SEMA6D: variants seen among roughly 807,000 people sequenced by gnomAD.
SEMA6D encodes the protein semaphorin-6D.
In SEMA6D, 35 loss-of-function variants were observed where a neutral mutation model predicts 106.6. The ratio of observed to expected loss-of-function variants is 0.33; its 90% CI spans 0.25 to 0.44. The LOEUF is 0.44. SEMA6D is among the 20% of genes least tolerant of loss of function. SEMA6D has a pLI of 1.00. For missense variants in SEMA6D, 1,185 were observed against 1,345.9 expected (o/e 0.88, Z 1.87); for synonymous variants, 499 against 487.7 (o/e 1.02, Z -0.31).
intron 3 of SEMA6D, among the ~76,000 whole-genome samples, chr15:47,547,809 C>G (rs1049509584): frequency 1.3e-5 from 2 of 152,130 alleles, no homozygotes; most frequent in Non-Finnish European, 2.9e-5. Context: ...CGTCTCCTAC[C>G]TACATGAAAG....
intron 1 of SEMA6D, among the ~76,000 whole-genome samples, chr15:47,330,895 A>G (rs142852121): frequency 7.9e-5 from 12 of 152,290 alleles, no homozygotes; most frequent in Non-Finnish European, 1.6e-4. Flanking sequence ...TACAGAGGTA[A>G]TGTTCATCAA....
intron 3 of SEMA6D, chr15:47,581,463 G>T: frequency 4.5e-6 from 2 of 445,980 alleles, no homozygotes; most frequent in South Asian, 3.4e-5. Flanking sequence ...GAGTGGGAAG[G>T]CACTCCTTTA....
At chr15:47,297,362 G>A (rs1167236334) in intron 1 of SEMA6D, among the ~76,000 whole-genome samples, 2 of 152,100 alleles carry the variant, frequency 1.3e-5, no homozygotes, top group Non-Finnish European at 2.9e-5. Flanking sequence ...CTGTTAGCAG[G>A]TGATTTAGCA....
intron 1 of SEMA6D, among the ~76,000 whole-genome samples, chr15:47,204,720 G>A (rs937100610): frequency 1.5e-4 from 23 of 151,942 alleles, no homozygotes; most frequent in African/African-American, 4.8e-4. Flanking sequence ...TATAATAGAC[G>A]GAGATCAAGC....
intron 3 of SEMA6D, among the ~76,000 whole-genome samples, chr15:47,524,196 G>A (rs1016875718): frequency 1.3e-5 from 2 of 152,114 alleles, no homozygotes; most frequent in African/African-American, 4.8e-5. Context: ...GCTGCATGGC[G>A]AATGTTGCCA....
chr15:47,525,854 C>T (rs1364250507), intron 3 of SEMA6D, among the ~76,000 whole-genome samples: 1 of 151,798 alleles, frequency 6.6e-6, no homozygotes, highest in South Asian at 2.1e-4. Context: ...ACTTAGATGG[C>T]AGTTTAAAAG....
chr15:47,201,168 T>A (rs957898766), intron 1 of SEMA6D, among the ~76,000 whole-genome samples: 1 of 152,222 alleles, frequency 6.6e-6, no homozygotes, highest in Non-Finnish European at 1.5e-5. Flanking sequence ...ATTATGCTTC[T>A]TTGTTTGTAG....
intron 1 of SEMA6D, among the ~76,000 whole-genome samples, chr15:47,273,082 C>G (rs1410875969): frequency 6.6e-6 from 1 of 152,066 alleles, no homozygotes; most frequent in Non-Finnish European, 1.5e-5. Context: ...TAAGTTTATT[C>G]TATTTGTGCT....
chr15:47,299,284 T>C (rs1008270207), intron 1 of SEMA6D, among the ~76,000 whole-genome samples: 4 of 152,298 alleles, frequency 2.6e-5, no homozygotes, highest in Non-Finnish European at 4.4e-5. Context: ...ACTAACCAGT[T>C]TGGGACAAAA....
chr15:47,306,532 G>T (rs990061729), intron 1 of SEMA6D, among the ~76,000 whole-genome samples: 1 of 152,070 alleles, frequency 6.6e-6, no homozygotes, highest in Non-Finnish European at 1.5e-5. Flanking sequence ...GACCAGCCTG[G>T]CCAACATGGC....
At chr15:47,686,255 A>G (rs557161761) in intron 4 of SEMA6D, among the ~76,000 whole-genome samples, 2 of 152,320 alleles carry the variant, frequency 1.3e-5, no homozygotes, top group South Asian at 4.1e-4. Context: ...ATTAAGGCAA[A>G]AAGAAAAAAA....
intron 1 of SEMA6D, among the ~76,000 whole-genome samples, chr15:47,214,769 G>A (rs2030400242): frequency 6.6e-6 from 1 of 152,120 alleles, no homozygotes; most frequent in Admixed American, 6.6e-5. Context: ...CTTAAAAATT[G>A]TTGTTAAGGT....
chr15:47,343,200 G>A (rs551394402), intron 1 of SEMA6D, among the ~76,000 whole-genome samples: 24 of 150,972 alleles, frequency 1.6e-4, no homozygotes, highest in South Asian at 4.2e-4. Context: ...TTTAATCTCC[G>A]TTATTATACA....
intron 9 of SEMA6D, 91 bp from the exon 10 acceptor site, chr15:47,763,759 T>C: frequency 9.1e-7 from 1 of 1,098,622 alleles, no homozygotes; most frequent in Non-Finnish European, 1.4e-6. Flanking sequence ...GTATCTTTAG[T>C]ATTTTTTGTC....
intron 1 of SEMA6D, among the ~76,000 whole-genome samples, chr15:47,216,624 C>T (rs1416721886): frequency 6.6e-6 from 1 of 152,036 alleles, no homozygotes; most frequent in South Asian, 2.1e-4. Context: ...AACAAAGAGT[C>T]AGTTCCTTAA....
chr15:47,539,175 A>G (rs1596273800), intron 3 of SEMA6D, among the ~76,000 whole-genome samples: 9 of 152,170 alleles, frequency 5.9e-5, no homozygotes, highest in Admixed American at 5.2e-4. Context: ...TTTTATTTCA[A>G]AGTCTTTCCT....
chr15:47,709,183 C>A (rs557632675), intron 4 of SEMA6D, among the ~76,000 whole-genome samples: 1 of 152,048 alleles, frequency 6.6e-6, no homozygotes. Context: ...ATGAGAGAGT[C>A]CCTTGACTGA....
intron 2 of SEMA6D, among the ~76,000 whole-genome samples, chr15:47,447,223 G>A (rs183381199): frequency 6.6e-6 from 1 of 152,206 alleles, no homozygotes. Flanking sequence ...ATATTGTTTG[G>A]AATCTTCAAA....
chr15:47,651,691 G>A (rs2077695388), intron 4 of SEMA6D, among the ~76,000 whole-genome samples: 1 of 152,190 alleles, frequency 6.6e-6, no homozygotes. Flanking sequence ...TCTGATACTC[G>A]ATTCATGTCC....
Sources: gnomAD v4.1 joint callset for allele counts (sites outside exome capture counted in the v4.1 genomes callset) on GRCh38, gnomAD v4.1.1 for gene constraint, MANE v1.5 for transcripts, NCBI Gene and HGNC (gene_info 2026-07-23, HGNC 2026-07-21) for gene names.